The following ROBO2 variants were observed in gnomAD, a reference collection of about 807,000 sequenced individuals.
ROBO2 encodes roundabout homolog 2.
A neutral mutation model predicts 160.8 loss-of-function variants in ROBO2; 53 were observed. The ratio of observed to expected loss-of-function variants is 0.33; its 90% CI spans 0.26 to 0.41. The LOEUF (loss-of-function observed/expected upper bound fraction) is 0.41. ROBO2 is among the 10% of genes least tolerant of loss of function. ROBO2 has a pLI of 1.00. For missense variants in ROBO2, 1,577 were observed against 1,722.4 expected (o/e 0.92, Z 1.49); for synonymous variants, 664 against 611.7 (o/e 1.09, Z -1.26).
intron 19 of ROBO2, among the ~76,000 whole-genome samples, chr3:77,598,491 A>G (rs992455673): frequency 1.4e-5 from 2 of 140,492 alleles, no homozygotes; most frequent in Non-Finnish European, 3.0e-5. Flanking sequence ...TAGTGTGTAT[A>G]TATATATATA....
At chr3:76,815,080 A>G (rs932046784) in intron 2 of ROBO2, among the ~76,000 whole-genome samples, 3 of 152,056 alleles carry the variant, frequency 2.0e-5, no homozygotes, top group African/African-American at 4.8e-5. Context: ...AAAGGGCTAC[A>G]TGTTACATTC....
chr3:77,411,079 A>G (rs987753586), intron 2 of ROBO2, among the ~76,000 whole-genome samples: 1 of 152,092 alleles, frequency 6.6e-6, no homozygotes, highest in Non-Finnish European at 1.5e-5. Context: ...AAATGCTGAT[A>G]TTACAGGCAT....
At chr3:76,877,462 G>A (rs1370691349) in intron 2 of ROBO2, among the ~76,000 whole-genome samples, 1 of 152,186 alleles carries the variant, frequency 6.6e-6, no homozygotes, top group Non-Finnish European at 1.5e-5. Context: ...TGAGTTTGGG[G>A]GAGGGAGGTT....
Position 76,746,820 on chromosome 3 carries a change from G to A in ROBO2, c.110-351194G>A, listed in dbSNP as rs2093900587. Among the ~76,000 whole-genome samples the A allele has an allele frequency of 2.0e-5, 3 of 152,140 alleles. No individual in the cohort carries two copies. In the South Asian group the frequency reaches 6.2e-4, roughly 32 times the overall value. ...TTTCGCTCCCACCACTCCATCCTCT[G>A]ACAAGCCCCAGTGTTTGTTGTTACG... On this transcript the variant is annotated intron_variant, in intron 2 of 26. Coordinates refer to the ROBO2 transcript ENST00000487694.
intron 2 of ROBO2, among the ~76,000 whole-genome samples, chr3:76,834,173 C>CTTTCTT (rs1235221607): frequency 2.2e-5 from 3 of 134,592 alleles, no homozygotes; most frequent in South Asian, 5.0e-4. Context: ...TTCTTTCTTT[C>CTTTCTT]TCTCTCTCTC....
At chr3:76,624,632 C>G in intron 2 of ROBO2, among the ~76,000 whole-genome samples, 1 of 151,372 alleles carries the variant, frequency 6.6e-6, no homozygotes, top group East Asian at 2.0e-4. Flanking sequence ...AACCCCGTCT[C>G]TACTAAAAAT....
chr3:76,844,160 T>C (rs1038288799), intron 2 of ROBO2, among the ~76,000 whole-genome samples: 1 of 151,982 alleles, frequency 6.6e-6, no homozygotes, highest in African/African-American at 2.4e-5. Context: ...GCATATTTAT[T>C]TGGGGTTAAA....
intron 2 of ROBO2, among the ~76,000 whole-genome samples, chr3:76,580,342 G>GTTTTTTTTTTTTTTTTTTTTTTTT (rs71101901): frequency 2.2e-5 from 2 of 90,562 alleles, no homozygotes; most frequent in Non-Finnish European, 4.1e-5. Context: ...TTTTTTTTGT[G>GTTTTTTTTTTTTTTTTTTTTTTTT]TTTTTTTTTT....
At chr3:76,897,284 A>G (rs1448134595) in intron 2 of ROBO2, among the ~76,000 whole-genome samples, 1 of 151,882 alleles carries the variant, frequency 6.6e-6, no homozygotes, top group Non-Finnish European at 1.5e-5. Context: ...TTCACCAAAA[A>G]AAAATGCTGG....
At chr3:76,494,178 T>C (rs1166596054) in intron 2 of ROBO2, among the ~76,000 whole-genome samples, 1 of 152,122 alleles carries the variant, frequency 6.6e-6, no homozygotes, top group African/African-American at 2.4e-5. Context: ...GTGTGGTATA[T>C]ACATACAATG....
At chr3:76,326,301 AGAATAGT>A (rs2073010653) in intron 2 of ROBO2, among the ~76,000 whole-genome samples, 2 of 152,146 alleles carry the variant, frequency 1.3e-5, no homozygotes, top group African/African-American at 4.8e-5. Context: ...CCTCTTTGTA[AGAATAGT>A]CACTTTAGTT....
At chr3:77,063,448 GA>G (rs1402547134) in intron 1 of ROBO2, among the ~76,000 whole-genome samples, 7 of 152,166 alleles carry the variant, frequency 4.6e-5, no homozygotes, top group Non-Finnish European at 8.8e-5. Context: ...AGTTTCACCA[GA>G]AAAATAAAAC....
intron 1 of ROBO2, among the ~76,000 whole-genome samples, chr3:75,908,977 C>T (rs1302891751): frequency 1.3e-5 from 2 of 152,198 alleles, no homozygotes; most frequent in Non-Finnish European, 2.9e-5. Context: ...GCTGAACTGC[C>T]AGCTTCGCAG....
chr3:76,269,118 A>G (rs1707272991), intron 2 of ROBO2, among the ~76,000 whole-genome samples: 1 of 152,150 alleles, frequency 6.6e-6, no homozygotes, highest in Non-Finnish European at 1.5e-5. Flanking sequence ...GGATGATTGC[A>G]GTCAACAATA....
At chr3:76,381,938 G>A (rs1469187200) in intron 2 of ROBO2, among the ~76,000 whole-genome samples, 1 of 151,986 alleles carries the variant, frequency 6.6e-6, no homozygotes, top group East Asian at 1.9e-4. Flanking sequence ...TGTATATATA[G>A]AATATTTAGA....
intron 2 of ROBO2, among the ~76,000 whole-genome samples, chr3:77,450,205 G>C (rs1263167233): frequency 6.6e-6 from 1 of 152,062 alleles, no homozygotes; most frequent in African/African-American, 2.4e-5. Flanking sequence ...GAATCCAGTT[G>C]TTAGAATATT....
intron 2 of ROBO2, among the ~76,000 whole-genome samples, chr3:77,199,640 T>C (rs1047340144): frequency 1.1e-4 from 13 of 116,516 alleles, no homozygotes; most frequent in African/African-American, 2.8e-4. Context: ...TTTTTTTTTT[T>C]TTGTGACAGA....
chr3:76,488,674 A>C (rs2079630852), intron 2 of ROBO2, among the ~76,000 whole-genome samples: 1 of 152,026 alleles, frequency 6.6e-6, no homozygotes, highest in Admixed American at 6.6e-5. Flanking sequence ...AAAGAACATA[A>C]TCCCTGGAGT....
chr3:76,319,347 G>C (rs1404031726), intron 2 of ROBO2, among the ~76,000 whole-genome samples: 1 of 152,082 alleles, frequency 6.6e-6, no homozygotes, highest in Non-Finnish European at 1.5e-5. Flanking sequence ...TATTAAGTAA[G>C]TGTTCAAAGC....
Sources: gnomAD v4.1 joint callset for allele counts (sites outside exome capture counted in the v4.1 genomes callset) on GRCh38, gnomAD v4.1.1 for gene constraint, MANE v1.5 for transcripts, NCBI Gene and HGNC (gene_info 2026-07-23, HGNC 2026-07-21) for gene names.